Variants in CCSER1 observed in about 807,000 individuals in gnomAD.
The protein encoded by CCSER1 is serine-rich coiled-coil domain-containing protein 1.
Under a neutral mutation model 82.0 loss-of-function variants are expected in CCSER1, and 41 were observed. The ratio of observed to expected loss-of-function variants is 0.50; its 90% CI spans 0.39 to 0.65. The LOEUF (loss-of-function observed/expected upper bound fraction) is 0.65, where lower values mean the gene tolerates loss of function less well. CCSER1 is among the 30% of genes least tolerant of loss of function. CCSER1 has a pLI of 0.00. For missense variants in CCSER1, 1,119 were observed against 1,064.2 expected (o/e 1.05, Z -0.72); for synonymous variants, 414 against 383.9 (o/e 1.08, Z -0.92).
chr4:90,839,015 G>T, intron 8 of CCSER1: 1 of 1,612,480 alleles, frequency 6.2e-7, no homozygotes, highest in Non-Finnish European at 8.5e-7. Context: ...CTCGATCTCA[G>T]CCATATCGGG....
At chr4:91,224,517 T>G (rs550816674) in intron 10 of CCSER1, among the ~76,000 whole-genome samples, 2 of 152,248 alleles carry the variant, frequency 1.3e-5, no homozygotes, top group African/African-American at 4.8e-5. Flanking sequence ...ACTGAGCACT[T>G]GAAATATGAC....
At chr4:91,453,005 C>T (rs1699336693) in intron 10 of CCSER1, among the ~76,000 whole-genome samples, 1 of 152,008 alleles carries the variant, frequency 6.6e-6, no homozygotes, top group Non-Finnish European at 1.5e-5. Context: ...ATTTGTATTA[C>T]TCTCTTTTAA....
chr4:91,161,916 A>G (rs1223754720), intron 10 of CCSER1, among the ~76,000 whole-genome samples: 2 of 152,148 alleles, frequency 1.3e-5, no homozygotes, highest in Non-Finnish European at 2.9e-5. Flanking sequence ...TGCTAATTGA[A>G]TACCCTGTAT....
intron 10 of CCSER1, among the ~76,000 whole-genome samples, chr4:91,256,666 C>G (rs1246717946): frequency 1.3e-5 from 2 of 152,102 alleles, no homozygotes; most frequent in Non-Finnish European, 2.9e-5. Flanking sequence ...GCTGGTTCCC[C>G]TGATACCAGA....
intron 5 of CCSER1, among the ~76,000 whole-genome samples, chr4:90,476,918 T>G (rs1232737474): frequency 1.3e-5 from 2 of 152,166 alleles, no homozygotes; most frequent in Admixed American, 1.3e-4. Flanking sequence ...ATGACTGAAG[T>G]GTTTTAGCTC....
chr4:91,362,070 C>T (rs913615462), intron 10 of CCSER1, among the ~76,000 whole-genome samples: 1 of 151,650 alleles, frequency 6.6e-6, no homozygotes, highest in East Asian at 1.9e-4. Flanking sequence ...ACGGAAGGGA[C>T]ATATTTGAGA....
At chr4:91,023,367 G>A (rs1740187518) in intron 9 of CCSER1, among the ~76,000 whole-genome samples, 1 of 152,098 alleles carries the variant, frequency 6.6e-6, no homozygotes, top group Non-Finnish European at 1.5e-5. Flanking sequence ...TAAGCCAAAA[G>A]AACAAAGCTG....
In CCSER1 at chr4:90,517,348, A is replaced by T. The variant is rs187830305; in HGVS notation, c.1724+48994A>T. Among the ~76,000 whole-genome samples, 37 of 152,268 alleles carry T rather than the reference A, an allele frequency of 2.4e-4. 1 individual carries two copies. Among genetic ancestry groups the T allele is most frequent in the Admixed American group, 2.0e-3 (31 of 15,288 alleles). On this transcript the variant is annotated intron_variant, in intron 5 of 10. Coordinates refer to ENST00000509176, the MANE Select transcript of CCSER1 (RefSeq NM_001145065.2). Reference sequence around the variant, plus strand: ...CGGGGACCATCTGTAGTGTGGTTGCAAATCTGTTTAAAAGGTATAAATAAC... The same window carrying T: ...CGGGGACCATCTGTAGTGTGGTTGCTAATCTGTTTAAAAGGTATAAATAAC...
chr4:90,955,827 T>C (rs1733374871), intron 9 of CCSER1, among the ~76,000 whole-genome samples: 2 of 152,164 alleles, frequency 1.3e-5, no homozygotes, highest in Middle Eastern at 3.2e-3. Flanking sequence ...ATTCTACTTA[T>C]TCGTAATTCA....
intron 8 of CCSER1, among the ~76,000 whole-genome samples, chr4:90,863,726 G>A (rs1222906840): frequency 6.6e-6 from 1 of 151,772 alleles, no homozygotes; most frequent in Non-Finnish European, 1.5e-5. Context: ...AAGAAAGAAA[G>A]GAGACAAAGA....
At chr4:91,514,361 C>T (rs1345908264) in intron 10 of CCSER1, among the ~76,000 whole-genome samples, 1 of 152,014 alleles carries the variant, frequency 6.6e-6, no homozygotes, top group Non-Finnish European at 1.5e-5. Flanking sequence ...TTGAGACTTG[C>T]TCTATGGTTA....
intron 5 of CCSER1, among the ~76,000 whole-genome samples, chr4:90,483,512 G>T (rs111763492): frequency 2.0e-5 from 3 of 152,214 alleles, no homozygotes; most frequent in South Asian, 2.1e-4. Flanking sequence ...GGCTGGTACC[G>T]GTTGTTCCTT....
chr4:91,068,831 T>C (rs1161124275), intron 9 of CCSER1, among the ~76,000 whole-genome samples: 1 of 152,184 alleles, frequency 6.6e-6, no homozygotes, highest in Admixed American at 6.5e-5. Flanking sequence ...GATACACTTA[T>C]TTAGTTGAAA....
At chr4:90,837,597 A>G (rs1331014458) in intron 8 of CCSER1, among the ~76,000 whole-genome samples, 1 of 152,218 alleles carries the variant, frequency 6.6e-6, no homozygotes, top group Non-Finnish European at 1.5e-5. Context: ...ATAGTAGGAA[A>G]GTCTATGTTG....
At chr4:90,271,159 A>G (rs951380071) in intron 1 of CCSER1, among the ~76,000 whole-genome samples, 3 of 152,188 alleles carry the variant, frequency 2.0e-5, no homozygotes, top group African/African-American at 4.8e-5. Flanking sequence ...ATATGGAGCC[A>G]CAAAAGGCTC....
intron 1 of CCSER1, among the ~76,000 whole-genome samples, chr4:90,167,678 T>C (rs1730762150): frequency 6.8e-6 from 1 of 147,288 alleles, no homozygotes; most frequent in African/African-American, 2.5e-5. Context: ...CCTGTGTCCA[T>C]GTGTTCTCAT....
At chr4:90,646,275 ATAG>A (rs986041225) in intron 6 of CCSER1, among the ~76,000 whole-genome samples, 3 of 152,214 alleles carry the variant, frequency 2.0e-5, no homozygotes, top group African/African-American at 7.2e-5. Flanking sequence ...GAATATTATA[ATAG>A]TAGAGAATGA....
At chr4:91,367,100 C>G (rs373070502) in intron 10 of CCSER1, among the ~76,000 whole-genome samples, 5 of 144,060 alleles carry the variant, frequency 3.5e-5, no homozygotes, top group African/African-American at 1.3e-4. Flanking sequence ...TTGAGACCAT[C>G]CTGGGCAACA....
chr4:90,954,197 A>G (rs1394946085), intron 9 of CCSER1, among the ~76,000 whole-genome samples: 2 of 152,086 alleles, frequency 1.3e-5, no homozygotes, highest in African/African-American at 4.8e-5. Flanking sequence ...ATGTGACTAC[A>G]TGAAACAAAA....
Sources: gnomAD v4.1 joint callset for allele counts (sites outside exome capture counted in the v4.1 genomes callset) on GRCh38, gnomAD v4.1.1 for gene constraint, MANE v1.5 for transcripts, NCBI Gene and HGNC (gene_info 2026-07-23, HGNC 2026-07-21) for gene names.